Variants in RBMS3 observed in about 807,000 individuals in gnomAD.
The protein encoded by RBMS3 is RNA binding motif single stranded interacting protein 3, also known as RNA-binding motif, single-stranded-interacting protein 3.
Under a neutral mutation model 66.8 loss-of-function variants are expected in RBMS3, and 27 were observed. The ratio of observed to expected loss-of-function variants is 0.40; its 90% CI spans 0.30 to 0.56. The LOEUF is 0.56. Ranked by LOEUF, RBMS3 falls within the 20% of genes least tolerant of loss-of-function variation. The pLI is 0.40. For synonymous variants in RBMS3, 188 were observed against 183.0 expected, an observed-to-expected ratio of 1.03 and a Z score of -0.22; for missense variants, 513 against 549.5, an observed-to-expected ratio of 0.93 and a Z score of 0.66.
chr3:29,593,384 T>C (rs1402363340), intron 4 of RBMS3, among the ~76,000 whole-genome samples: 1 of 152,146 alleles, frequency 6.6e-6, no homozygotes, highest in Admixed American at 6.6e-5. Context: ...TTGCTATTTA[T>C]TGGTCACTAC....
At chr3:29,965,941 C>T (rs1442930447) in intron 12 of RBMS3, among the ~76,000 whole-genome samples, 1 of 152,178 alleles carries the variant, frequency 6.6e-6, no homozygotes, top group Non-Finnish European at 1.5e-5. Flanking sequence ...CATTCTCCTA[C>T]ATGTGGCTAC....
At chr3:29,913,225 T>G (rs576532457) in intron 10 of RBMS3, among the ~76,000 whole-genome samples, 1 of 152,002 alleles carries the variant, frequency 6.6e-6, no homozygotes, top group Admixed American at 6.6e-5. Context: ...AGTATCTGCA[T>G]AAATTGATGA....
intron 6 of RBMS3, among the ~76,000 whole-genome samples, chr3:29,808,338 T>C (rs1468657912): frequency 2.0e-5 from 3 of 152,026 alleles, no homozygotes; most frequent in African/African-American, 7.2e-5. Context: ...CTTCTTCTCT[T>C]TTTCTTTTTG....
intron 6 of RBMS3, among the ~76,000 whole-genome samples, chr3:29,827,726 T>C (rs1235463956): frequency 6.6e-6 from 1 of 152,138 alleles, no homozygotes; most frequent in African/African-American, 2.4e-5. Flanking sequence ...GCCTCTTGCA[T>C]GTAGCAGGAA....
intron 6 of RBMS3, among the ~76,000 whole-genome samples, chr3:29,805,683 T>G (rs910980242): frequency 6.6e-6 from 1 of 152,034 alleles, no homozygotes; most frequent in Non-Finnish European, 1.5e-5. Flanking sequence ...ACTTATGGAA[T>G]AAGGATATTA....
intron 12 of RBMS3, among the ~76,000 whole-genome samples, chr3:29,969,324 C>T (rs1006622685): frequency 6.6e-6 from 1 of 152,136 alleles, no homozygotes; most frequent in Non-Finnish European, 1.5e-5. Flanking sequence ...CATATGATCT[C>T]CCCAACCACA....
At chr3:29,422,623 T>C (rs1243587568) in intron 1 of RBMS3, among the ~76,000 whole-genome samples, 1 of 152,086 alleles carries the variant, frequency 6.6e-6, no homozygotes, top group African/African-American at 2.4e-5. Flanking sequence ...AATTTGATAA[T>C]GTAAATTGCC....
At chr3:29,486,080 G>C (rs1299352274) in intron 2 of RBMS3, among the ~76,000 whole-genome samples, 1 of 151,876 alleles carries the variant, frequency 6.6e-6, no homozygotes, top group Non-Finnish European at 1.5e-5. Context: ...AATTTCATAG[G>C]TATATTACAT....
At chr3:29,801,547 C>A (rs1478748753) in intron 6 of RBMS3, among the ~76,000 whole-genome samples, 1 of 122,838 alleles carries the variant, frequency 8.1e-6, no homozygotes, top group Non-Finnish European at 1.8e-5. Flanking sequence ...GGATTACAGG[C>A]ATGAGCACCT....
At chr3:29,828,915 T>C (rs1398564658) in intron 6 of RBMS3, among the ~76,000 whole-genome samples, 1 of 152,208 alleles carries the variant, frequency 6.6e-6, no homozygotes, top group Non-Finnish European at 1.5e-5. Flanking sequence ...TAATAACCCA[T>C]ATAGTAGAAA....
intron 10 of RBMS3, among the ~76,000 whole-genome samples, chr3:29,934,487 GT>G (rs2061214727): frequency 6.6e-6 from 1 of 152,002 alleles, no homozygotes; most frequent in Admixed American, 6.6e-5. Flanking sequence ...AATAAAGATG[GT>G]TTTGTTAAAA....
intron 4 of RBMS3, among the ~76,000 whole-genome samples, chr3:29,640,303 A>T (rs1159804206): frequency 6.6e-6 from 1 of 151,152 alleles, no homozygotes; most frequent in Non-Finnish European, 1.5e-5. Context: ...CACACGAAAG[A>T]CGGAAAGAAA....
chr3:29,576,030 G>T (rs1468972212), intron 3 of RBMS3, among the ~76,000 whole-genome samples: 1 of 152,034 alleles, frequency 6.6e-6, no homozygotes, highest in Non-Finnish European at 1.5e-5. Context: ...ATTTGGTCAG[G>T]TCATGTCTTC....
At chr3:29,669,114 A>G (rs78786127) in intron 4 of RBMS3, among the ~76,000 whole-genome samples, 5,483 of 152,260 alleles carry the variant, frequency 0.036, 320 homozygotes, top group African/African-American at 0.12. Flanking sequence ...CTCTGACAAA[A>G]AGCTATTCTC....
intron 6 of RBMS3, among the ~76,000 whole-genome samples, chr3:29,817,317 T>C (rs554338380): frequency 8.6e-4 from 130 of 151,812 alleles, no homozygotes; most frequent in African/African-American, 3.0e-3. Context: ...GATTCTCCTG[T>C]CTCAGTGTCC....
chr3:29,944,172 C>T lies in RBMS3; in HGVS notation c.1051-35C>T, dbSNP rs372402326. On this transcript the variant is annotated intron_variant, in intron 11 of 14. Coordinates refer to ENST00000383767, the MANE Select transcript of RBMS3 (RefSeq NM_001003793.3). ...TTCTATTTTATTTTCTTTTGTACTT[C>T]ATTGCATTCTTTCTCATGCTCTTTT... 8.1e-4 allele frequency: 1,249 copies of T among 1,533,260 alleles called. 1 individual carries two copies. The highest frequency in any genetic ancestry group is 1.0e-3 in the Non-Finnish European group (1,150 of 1,108,586). The allele number at this position is 1,533,260 out of a possible 1,614,324, so 95.0% of individuals were successfully genotyped here.
chr3:29,705,437 G>A (rs2052840757), intron 4 of RBMS3, among the ~76,000 whole-genome samples: 1 of 152,070 alleles, frequency 6.6e-6, no homozygotes. Context: ...GAAGCCAGGG[G>A]CTGAGAAGTC....
chr3:29,790,338 G>A (rs548787034), intron 6 of RBMS3, among the ~76,000 whole-genome samples: 1 of 152,146 alleles, frequency 6.6e-6, no homozygotes, highest in South Asian at 2.1e-4. Flanking sequence ...ATTTTGTGAG[G>A]CGTCTTTTGT....
chr3:29,749,673 A>G (rs1199606880), intron 5 of RBMS3, among the ~76,000 whole-genome samples: 1 of 152,188 alleles, frequency 6.6e-6, no homozygotes, highest in African/African-American at 2.4e-5. Flanking sequence ...TTCTTTACTT[A>G]TCATAAGGTC....
Sources: gnomAD v4.1 joint callset for allele counts (sites outside exome capture counted in the v4.1 genomes callset) on GRCh38, gnomAD v4.1.1 for gene constraint, MANE v1.5 for transcripts, NCBI Gene and HGNC (gene_info 2026-07-23, HGNC 2026-07-21) for gene names.